Variants in ABCA8 observed in about 807,000 individuals in gnomAD.
The protein encoded by ABCA8 is ABC-type organic anion transporter ABCA8.
ABCA8 carries 177 observed loss-of-function variants against 192.3 expected under a neutral mutation model. The ratio of observed to expected loss-of-function variants is 0.92; its 90% confidence interval spans 0.81 to 1.04. ABCA8 has a LOEUF of 1.04. Ranked by LOEUF, ABCA8 falls within the 50% of genes least tolerant of loss-of-function variation. The probability of loss-of-function intolerance (pLI) is 0.00; values close to 1 mark genes in which losing one functional copy is unlikely to be tolerated. For missense variants in ABCA8, 1,915 were observed against 1,904.8 expected, an observed-to-expected ratio of 1.01 and a Z score of -0.10; for synonymous variants, 642 against 690.2, an observed-to-expected ratio of 0.93 and a Z score of 1.09.
At position 68,918,110 on chromosome 17, in the gene ABCA8, G is replaced by A. The variant is rs140949245; in HGVS notation, c.1984C>T (p.Arg662Cys). The change falls in exon 16 of 40, where the codon CGC (arginine) becomes TGC (cysteine). Residue 662 changes from arginine (R) to cysteine (C), a missense_variant. By Grantham distance (180) the Arg-to-Cys change is radical. Transcript: ENST00000586539. The part of the protein sequence containing the change: ...RHQVWNLLKE[R>C]KTDRVILFST... ...AAGAGGATCACGCGGTCTGTTTTGCGTTCTTTCAGAAGGTTCCATACTTGG... is the reference window on the plus strand; with the variant it reads ...AAGAGGATCACGCGGTCTGTTTTGCATTCTTTCAGAAGGTTCCATACTTGG... The A allele has an allele frequency of 2.8e-5, 45 of 1,614,050 alleles. No homozygotes were observed. In the East Asian group the frequency reaches 7.4e-4, roughly 26 times the overall value.
intron 37 of ABCA8, among the ~76,000 whole-genome samples, chr17:68,871,681 T>G (rs1182280942): frequency 1.3e-5 from 2 of 152,160 alleles, no homozygotes; most frequent in Non-Finnish European, 2.9e-5. Context: ...ATGGACTACA[T>G]ATATGACAGT....
intron 6 of ABCA8, 84 bp downstream of exon 6, chr17:68,933,084 T>C: frequency 3.2e-6 from 3 of 944,312 alleles, no homozygotes; most frequent in South Asian, 1.4e-5. Context: ...TATCCACTTA[T>C]ATTTTCTTCC....
chr17:68,876,208 A>C (rs2066200340), intron 35 of ABCA8: 3 of 557,320 alleles, frequency 5.4e-6, no homozygotes, highest in Non-Finnish European at 9.6e-6. Flanking sequence ...AGATCAGCTG[A>C]GCGCTTATGA....
In ABCA8 at chr17:68,877,635, C is replaced by T. The variant is rs2066241278; in HGVS notation, c.4083G>A (p.Leu1361=). The part of the protein sequence containing the change: ...GSGGGDALEF[L]GYCPQENALW... ...GCGCGTTCTCCTGAGGGCAGTACCCCAGGAACTCCAGGGCATCCCCTCCAC... is the reference window on the plus strand; with the variant it reads ...GCGCGTTCTCCTGAGGGCAGTACCCTAGGAACTCCAGGGCATCCCCTCCAC... Residue 1361 remains leucine (L), a synonymous_variant, in exon 33 of 40, where the codon CTG becomes CTA. Transcript: ENST00000586539. 1.2e-6 allele frequency: 2 copies of T among 1,613,878 alleles called. No homozygotes were observed. Among genetic ancestry groups the T allele is most frequent in the Non-Finnish European group, 1.7e-6 (2 of 1,179,840 alleles).
At chr17:68,895,975 C>G (rs1476766186) in intron 21 of ABCA8, among the ~76,000 whole-genome samples, 2 of 152,012 alleles carry the variant, frequency 1.3e-5, no homozygotes, top group African/African-American at 2.4e-5. Context: ...GGCCACCACC[C>G]CTGCCAAGTA....
At chr17:68,899,568 G>A (rs4968825) in intron 21 of ABCA8, among the ~76,000 whole-genome samples, 63,928 of 151,798 alleles carry the variant, frequency 0.42, 14,054 homozygotes, top group East Asian at 0.56. Flanking sequence ...ATTTATAAAC[G>A]TATATACACT....
chr17:68,937,147 T>C (rs367609247), intron 4 of ABCA8, 32 bp from the exon 5 acceptor site: 2 of 1,544,790 alleles, frequency 1.3e-6, no homozygotes, highest in African/African-American at 1.4e-5. Flanking sequence ...TTATTGTTAG[T>C]AAATTACTAG....
In ABCA8 at chr17:68,875,645, G is replaced by C; in HGVS notation, c.4459C>G (p.Arg1487Gly). ...YMAEAEAVCD[R>G]VAIMVSGRLR... ...CTCCCAGATACCATGATGGCCACTC[G>C]GTCACACACGGCCTCAGCCTCTGCC... The change falls in exon 36 of 40, where the codon CGA (arginine) becomes GGA (glycine). Residue 1487 changes from arginine to glycine, a missense_variant. Arg to Gly is a moderately radical substitution (Grantham distance 125). Coordinates refer to ENST00000586539, the MANE Select transcript of ABCA8 (RefSeq NM_001288985.2). 1 of 1,614,106 alleles carries C rather than the reference G, an allele frequency of 6.2e-7. No homozygotes were observed. Among genetic ancestry groups the C allele is most frequent in the Non-Finnish European group, 8.5e-7 (1 of 1,180,000 alleles).
rs766825727 is a variant in ABCA8 at position 68,877,632 on chromosome 17, C to A, written c.4086G>T (p.Gly1362=). 3.7e-6 allele frequency: 6 copies of A among 1,613,838 alleles called. No homozygotes were observed. The highest frequency in any genetic ancestry group is 5.1e-6 in the Non-Finnish European group (6 of 1,179,908). ...ACAGCGCGTTCTCCTGAGGGCAGTACCCCAGGAACTCCAGGGCATCCCCTC... is the reference window on the plus strand; with the variant it reads ...ACAGCGCGTTCTCCTGAGGGCAGTAACCCAGGAACTCCAGGGCATCCCCTC... ...SGGGDALEFL[G]YCPQENALWP... The change falls in exon 33 of 40, where the codon GGG becomes GGT. Residue 1362 remains glycine (G), a synonymous_variant. Transcript: ENST00000586539.
At chr17:68,870,277 G>C (rs1417801306) in intron 37 of ABCA8, among the ~76,000 whole-genome samples, 1 of 152,154 alleles carries the variant, frequency 6.6e-6, no homozygotes, top group Non-Finnish European at 1.5e-5. Flanking sequence ...TAAGGAAGTT[G>C]CCCTGATAAA....
At chr17:68,924,922 G>T (rs2067656010) in intron 10 of ABCA8, 53 bp from the exon 11 acceptor site, 1 of 1,572,300 alleles carries the variant, frequency 6.4e-7, no homozygotes, top group East Asian at 2.2e-5. Flanking sequence ...GTTAGGGAGA[G>T]AGAGTCACAG....
At chr17:68,952,417 A>G (rs150773457) in intron 1 of ABCA8, among the ~76,000 whole-genome samples, 3,559 of 152,066 alleles carry the variant, frequency 0.023, 143 homozygotes, top group African/African-American at 0.081. Context: ...ATGGGGTTTC[A>G]CCTTGTTAGC....
In ABCA8 at chr17:68,942,144, A is replaced by G. The variant is rs145611766; in HGVS notation, c.-5-105T>C. 2.1e-5 allele frequency: 16 copies of G among 765,174 alleles called. No individual in the cohort carries two copies. The African/African-American group carries it at 2.3e-4, about 11-fold the overall frequency. 47.4% of individuals were successfully genotyped at this position (765,174 alleles called of 1,614,324 possible). A position where few individuals can be genotyped will look rare whatever the true frequency, so the allele number is the denominator to read the frequency against. ...ACGTAGCCTAATACTCCAATGTTCC[A>G]AATGAGTGCAAAGAGTCTGAGTGTT... On this transcript the variant is annotated intron_variant, in intron 2 of 39. Coordinates refer to ENST00000586539, the MANE Select transcript of ABCA8 (RefSeq NM_001288985.2).
chr17:68,931,053 AG>A (rs1210685798), intron 7 of ABCA8, among the ~76,000 whole-genome samples: 10 of 152,150 alleles, frequency 6.6e-5, no homozygotes, highest in Non-Finnish European at 1.3e-4. Context: ...TCATTCCCTC[AG>A]GCACACCAAG....
intron 1 of ABCA8, among the ~76,000 whole-genome samples, chr17:68,952,507 A>G (rs1371455128): frequency 6.6e-6 from 1 of 152,236 alleles, no homozygotes; most frequent in African/African-American, 2.4e-5. Context: ...TTTAAAGAAC[A>G]TACAAAGTAG....
chr17:68,894,940 A>G lies in ABCA8; in HGVS notation c.2838T>C (p.Thr946=). 6.2e-7 allele frequency: 1 copy of G among 1,613,720 alleles called. No individual in the cohort carries two copies. The highest frequency in any genetic ancestry group is 2.2e-5 in the East Asian group (1 of 44,800). ...NIALEVDAFG[T]RNGTDDPSYN... ...AAGATGGGTCATCTGTGCCATTTCT[A>G]GTTCCAAATGCATCCACTTCTAAAG... The change falls in exon 22 of 40, where the codon ACT becomes ACC. Residue 946 remains threonine, a synonymous_variant. Coordinates refer to ENST00000586539, the MANE Select transcript of ABCA8 (RefSeq NM_001288985.2).
chr17:68,938,417 G>A (rs4147964), intron 4 of ABCA8, among the ~76,000 whole-genome samples: 89,356 of 151,802 alleles, frequency 0.59, 27,110 homozygotes, highest in African/African-American at 0.71. Context: ...GAATTTGGAC[G>A]GAAGTTGACA....
chr17:68,914,539 T>C (rs1157813623), intron 17 of ABCA8, among the ~76,000 whole-genome samples: 1 of 152,062 alleles, frequency 6.6e-6, no homozygotes, highest in Admixed American at 6.6e-5. Context: ...AGTAATCCCA[T>C]TGACAATAGC....
intron 19 of ABCA8, among the ~76,000 whole-genome samples, chr17:68,905,050 A>G (rs895387603): frequency 6.6e-6 from 1 of 152,228 alleles, no homozygotes; most frequent in African/African-American, 2.4e-5. Flanking sequence ...CCTTTAAAAC[A>G]TTCGAAGCTG....
Sources: gnomAD v4.1 joint callset for allele counts (sites outside exome capture counted in the v4.1 genomes callset) on GRCh38, gnomAD v4.1.1 for gene constraint, MANE v1.5 for transcripts, NCBI Gene and HGNC (gene_info 2026-07-23, HGNC 2026-07-21) for gene names.